The following PCDH9 variants were observed in gnomAD, a reference collection of about 807,000 sequenced individuals.
The protein encoded by PCDH9 is protocadherin 9.
Under a neutral mutation model 70.6 loss-of-function variants are expected in PCDH9, and 24 were observed. That is an observed-to-expected ratio of 0.34 (90% CI 0.25 to 0.48). The LOEUF (loss-of-function observed/expected upper bound fraction) is 0.48. Among genes scored for constraint, PCDH9 ranks in the 20% least tolerant of loss-of-function variants. The pLI is 0.99. For synonymous variants in PCDH9, 562 were observed against 558.5 expected, an observed-to-expected ratio of 1.01 and a Z score of -0.09; for missense variants, 1,281 against 1,503.6, an observed-to-expected ratio of 0.85 and a Z score of 2.45.
intron 4 of PCDH9, among the ~76,000 whole-genome samples, chr13:66,593,708 G>A (rs1378935339): frequency 6.6e-6 from 1 of 151,626 alleles, no homozygotes; most frequent in Non-Finnish European, 1.5e-5. Context: ...GAAGCAGGAA[G>A]GGGAAAATCT....
At chr13:66,338,555 G>T (rs927031453) in intron 4 of PCDH9, among the ~76,000 whole-genome samples, 16 of 151,688 alleles carry the variant, frequency 1.1e-4, no homozygotes, top group African/African-American at 3.9e-4. Flanking sequence ...TAAAATAAGA[G>T]AATATCTATT....
chr13:67,047,242 T>G (rs1594438189), intron 2 of PCDH9, among the ~76,000 whole-genome samples: 1 of 152,148 alleles, frequency 6.6e-6, no homozygotes, highest in Non-Finnish European at 1.5e-5. Context: ...GATGAAATCT[T>G]GGAGTTAAAT....
intron 2 of PCDH9, among the ~76,000 whole-genome samples, chr13:66,980,730 G>GTTTTTTTTTTTTTTTTTTTTTTTTTTT: frequency 8.5e-5 from 6 of 70,888 alleles, no homozygotes; most frequent in Non-Finnish European, 1.3e-4. Flanking sequence ...TTTTTTCTTT[G>GTTTTTTTTTTTTTTTTTTTTTTTTTTT]TTTTTTTTTT....
At chr13:67,117,452 G>T (rs2086800063) in intron 2 of PCDH9, among the ~76,000 whole-genome samples, 1 of 152,134 alleles carries the variant, frequency 6.6e-6, no homozygotes. Flanking sequence ...GTTCTTGGGG[G>T]AGGCGGTTGT....
intron 4 of PCDH9, among the ~76,000 whole-genome samples, chr13:66,381,967 G>C (rs1054640667): frequency 2.0e-5 from 3 of 151,234 alleles, no homozygotes; most frequent in South Asian, 4.2e-4. Flanking sequence ...GGATGTGTAA[G>C]AGTAGAATTA....
At chr13:66,574,033 C>G (rs780288454) in intron 4 of PCDH9, among the ~76,000 whole-genome samples, 4 of 152,132 alleles carry the variant, frequency 2.6e-5, no homozygotes, top group Non-Finnish European at 5.9e-5. Flanking sequence ...GACGAAATCA[C>G]CTAGGAAAAC....
chr13:66,812,508 C>T (rs1457600488), intron 3 of PCDH9, among the ~76,000 whole-genome samples: 4 of 152,142 alleles, frequency 2.6e-5, no homozygotes, highest in Admixed American at 6.5e-5. Flanking sequence ...AAATTATTTG[C>T]ATAAAAATGT....
intron 4 of PCDH9, among the ~76,000 whole-genome samples, chr13:66,515,028 T>C (rs1702501899): frequency 6.6e-6 from 1 of 152,066 alleles, no homozygotes; most frequent in Non-Finnish European, 1.5e-5. Context: ...ATACCTGGAA[T>C]TCTGCAAGTG....
intron 3 of PCDH9, among the ~76,000 whole-genome samples, chr13:66,868,963 C>A (rs1020058222): frequency 6.6e-6 from 1 of 152,048 alleles, no homozygotes; most frequent in Admixed American, 6.6e-5. Flanking sequence ...GTAATATAAG[C>A]AAATGTGTTA....
intron 2 of PCDH9, among the ~76,000 whole-genome samples, chr13:66,953,666 G>A (rs2083220921): frequency 6.6e-6 from 1 of 152,106 alleles, no homozygotes; most frequent in Non-Finnish European, 1.5e-5. Flanking sequence ...GTGGTTTTAT[G>A]TTAAGTCTTT....
At position 66,589,677 on chromosome 13, in the gene PCDH9, G is replaced by C. The variant is rs898039747; in HGVS notation, c.3340+41533C>G. On this transcript the variant is annotated intron_variant, in intron 4 of 4. Coordinates refer to ENST00000377865, the MANE Select transcript of PCDH9 (RefSeq NM_203487.3). ...GAGAGGTAGGGATGCTGGTGATGTG[G>C]GAGCAGCGATGAATCCTTCCAGGGT... 2.7e-4 allele frequency among the ~76,000 whole-genome samples: 41 copies of C among 152,000 alleles called. 2 individuals are homozygous for C. The highest frequency in any genetic ancestry group is 8.8e-5 in the Non-Finnish European group (6 of 67,992).
chr13:66,331,535 A>T (rs1399332172), intron 4 of PCDH9, among the ~76,000 whole-genome samples: 1 of 152,236 alleles, frequency 6.6e-6, no homozygotes, highest in Non-Finnish European at 1.5e-5. Flanking sequence ...GGATTTGGTG[A>T]AATAAATTTT....
In PCDH9 at chr13:67,092,564, C is replaced by T. The variant is rs2138215220; in HGVS notation, c.3036+132841G>A. ...ATTTGAACTACTGCCACTCTCATAA[C>T]TCTTCCCCTGTACTTTATTCCCCCG... On this transcript the variant is annotated intron_variant, in intron 2 of 4. Coordinates refer to ENST00000377865, the MANE Select transcript of PCDH9 (RefSeq NM_203487.3). Among the ~76,000 whole-genome samples, 2 of 152,270 alleles carry T rather than the reference C, an allele frequency of 1.3e-5. 1 individual carries two copies. Among genetic ancestry groups the T allele is most frequent in the South Asian group, 4.1e-4 (2 of 4,832 alleles).
chr13:66,385,971 A>G (rs1956921339), intron 4 of PCDH9, among the ~76,000 whole-genome samples: 1 of 151,174 alleles, frequency 6.6e-6, no homozygotes, highest in Admixed American at 6.6e-5. Context: ...TGTATTTCCT[A>G]TTTTGTTTTA....
intron 4 of PCDH9, among the ~76,000 whole-genome samples, chr13:66,484,443 A>G (rs1430595827): frequency 6.6e-6 from 1 of 152,194 alleles, no homozygotes; most frequent in East Asian, 1.9e-4. Context: ...TGCGAGGGCG[A>G]TAAAAGAACC....
At chr13:67,199,268 T>C (rs1316615031) in intron 2 of PCDH9, among the ~76,000 whole-genome samples, 1 of 151,728 alleles carries the variant, frequency 6.6e-6, no homozygotes, top group Non-Finnish European at 1.5e-5. Flanking sequence ...GCACTATATT[T>C]CTGGTGATTA....
chr13:66,377,288 G>A (rs1201474684), intron 4 of PCDH9, among the ~76,000 whole-genome samples: 1 of 152,192 alleles, frequency 6.6e-6, no homozygotes, highest in South Asian at 2.1e-4. Context: ...CACCTGGGGG[G>A]CTTGTTAAAA....
At chr13:66,884,901 T>C (rs1390185786) in intron 3 of PCDH9, among the ~76,000 whole-genome samples, 1 of 152,210 alleles carries the variant, frequency 6.6e-6, no homozygotes, top group Non-Finnish European at 1.5e-5. Context: ...AGCATTTATA[T>C]TCTTATATTC....
At chr13:66,790,735 C>T (rs774751375) in intron 3 of PCDH9, among the ~76,000 whole-genome samples, 1 of 151,910 alleles carries the variant, frequency 6.6e-6, no homozygotes, top group Non-Finnish European at 1.5e-5. Flanking sequence ...TTTCAAGTGC[C>T]CAATCTCATA....
Sources: allele counts gnomAD v4.1 joint callset (sites outside exome capture counted in the v4.1 genomes callset), GRCh38; gene constraint gnomAD v4.1.1; transcripts MANE v1.5; gene names NCBI Gene and HGNC (gene_info 2026-07-23, HGNC 2026-07-21).